Variants in TENT4A observed in about 807,000 individuals in gnomAD.
The protein encoded by TENT4A is DNA polymerase kappa.
TENT4A carries 7 observed loss-of-function variants against 72.8 expected under a neutral mutation model. The observed-to-expected ratio is 0.10, with a 90% CI of 0.05 to 0.18. The LOEUF (loss-of-function observed/expected upper bound fraction) is 0.18, where lower values mean the gene tolerates loss of function less well. Ranked by LOEUF, TENT4A falls within the 10% of genes least tolerant of loss-of-function variation. The probability of loss-of-function intolerance (pLI) is 1.00; values close to 1 mark genes in which losing one functional copy is unlikely to be tolerated. For missense variants in TENT4A, 831 were observed against 1,017.7 expected (o/e 0.82, Z 2.50); for synonymous variants, 456 against 434.3 (o/e 1.05, Z -0.62).
intron 6 of TENT4A, chr5:6,746,005 T>C: frequency 7.2e-7 from 1 of 1,393,780 alleles, no homozygotes. Context: ...CAAACTACAC[T>C]AAAATTCAGA....
intron 1 of TENT4A, among the ~76,000 whole-genome samples, chr5:6,731,702 G>T (rs1741223991): frequency 6.6e-6 from 1 of 152,130 alleles, no homozygotes; most frequent in African/African-American, 2.4e-5. Flanking sequence ...AAAACTCCTG[G>T]CTTGAAACTT....
At chr5:6,736,777 T>C (rs564202518) in intron 1 of TENT4A, among the ~76,000 whole-genome samples, 7 of 152,338 alleles carry the variant, frequency 4.6e-5, no homozygotes, top group Admixed American at 2.6e-4. Flanking sequence ...TTGAAAACAC[T>C]GCTTTAGAGC....
chr5:6,745,266 T>C (rs1742025991), intron 6 of TENT4A, among the ~76,000 whole-genome samples: 1 of 152,210 alleles, frequency 6.6e-6, no homozygotes, highest in Non-Finnish European at 1.5e-5. Context: ...CCGGAATTCT[T>C]CTGAACCCTA....
At chr5:6,720,126 AATTTCTCTG>A (rs1442679360) in intron 1 of TENT4A, among the ~76,000 whole-genome samples, 2 of 152,140 alleles carry the variant, frequency 1.3e-5, no homozygotes, top group African/African-American at 4.8e-5. Flanking sequence ...AGGTACTTTG[AATTTCTCTG>A]ATGTTTTCCG....
chr5:6,751,106 T>A lies in TENT4A; in HGVS notation c.1928T>A (p.Leu643His), dbSNP rs376992245. 6.2e-7 allele frequency: 1 copy of A among 1,614,212 alleles called. No homozygotes were observed. Among genetic ancestry groups the A allele is most frequent in the Non-Finnish European group, 8.5e-7 (1 of 1,180,022 alleles). ...YQFSLQAPAP[L>H]MAGLPTALPM... is the part of the protein sequence containing the mutation. Reference sequence around the variant, plus strand: ...TTCAGTCTGCAAGCGCCAGCTCCTCTCATGGCCGGCTTACCCACCGCCTTG... The same window carrying A: ...TTCAGTCTGCAAGCGCCAGCTCCTCACATGGCCGGCTTACCCACCGCCTTG... Residue 643 changes from leucine (L) to histidine (H), a missense_variant, in exon 11 of 13, where the codon CTC (leucine) becomes CAC (histidine). Physicochemically the swap from Leu to His is moderately conservative, Grantham distance 99 (BLOSUM62 -3). Transcript: ENST00000230859.
intron 1 of TENT4A, 47 bp from the exon 2 acceptor site, chr5:6,737,463 G>A (rs2279656): frequency 0.33 from 500,534 of 1,517,310 alleles, 84,216 homozygotes; most frequent in East Asian, 0.4. Flanking sequence ...AGAAAATGTG[G>A]TGACATTTCA....
intron 1 of TENT4A, among the ~76,000 whole-genome samples, chr5:6,733,633 G>A (rs1282793791): frequency 1.3e-5 from 2 of 152,224 alleles, no homozygotes; most frequent in Non-Finnish European, 2.9e-5. Flanking sequence ...TGGTATGTGA[G>A]AACATAAGAC....
chr5:6,742,466 G>C, intron 4 of TENT4A, 24 bp from the exon 5 acceptor site: 1 of 1,483,868 alleles, frequency 6.7e-7, no homozygotes, highest in Non-Finnish European at 9.4e-7. Context: ...TGTTAAAGCA[G>C]TTTTTAAAAT....
rs1740231083 is a variant in TENT4A at position 6,714,073 on chromosome 5, G to A, written c.90G>A (p.Val30=). 2 of 991,678 alleles carry A rather than the reference G, an allele frequency of 2.0e-6. No individual in the cohort carries two copies. The highest frequency in any genetic ancestry group is 4.5e-5 in the South Asian group (1 of 22,148). The allele number at this position is 991,678 out of a possible 1,614,324, so 61.4% of individuals were successfully genotyped here. A position where few individuals can be genotyped will look rare whatever the true frequency, so the allele number is the denominator to read the frequency against. Residue 30 remains valine, a synonymous_variant, in exon 1 of 13, where the codon GTG becomes GTA. Transcript: ENST00000230859. ...WMQIWETSQG[V]GRGGSGFASY... ...AGATCTGGGAGACCTCGCAGGGCGTGGGCCGCGGCGGCTCGGGCTTCGCGT... is the reference window on the plus strand; with the variant it reads ...AGATCTGGGAGACCTCGCAGGGCGTAGGCCGCGGCGGCTCGGGCTTCGCGT...
chr5:6,736,742 G>A (rs75196407), intron 1 of TENT4A, among the ~76,000 whole-genome samples: 3,123 of 152,322 alleles, frequency 0.021, 37 homozygotes, highest in Non-Finnish European at 0.029. Context: ...GGCGTGAGGC[G>A]TCTTCCAGGC....
intron 11 of TENT4A, among the ~76,000 whole-genome samples, chr5:6,752,096 G>T (rs1316158318): frequency 2.0e-5 from 3 of 152,166 alleles, no homozygotes; most frequent in Non-Finnish European, 4.4e-5. Flanking sequence ...GATAAACTTG[G>T]TCGCCTTTTT....
intron 1 of TENT4A, among the ~76,000 whole-genome samples, chr5:6,732,611 A>G (rs1272856195): frequency 8.1e-4 from 123 of 152,206 alleles, no homozygotes; most frequent in Non-Finnish European, 4.4e-5. Flanking sequence ...AGTGATTGTA[A>G]ACGAGAGTGA....
At chr5:6,753,586 C>G (rs1402890860) in intron 12 of TENT4A, among the ~76,000 whole-genome samples, 1 of 152,240 alleles carries the variant, frequency 6.6e-6, no homozygotes, top group Non-Finnish European at 1.5e-5. Flanking sequence ...CGTTAAGTCT[C>G]TATATTCTTG....
chr5:6,754,702 A>G, intron 12 of TENT4A, 49 bp from the exon 13 acceptor site: 1 of 1,464,086 alleles, frequency 6.8e-7, no homozygotes, highest in Admixed American at 2.0e-5. Flanking sequence ...GGACGTGGGC[A>G]TTGTGCCTGC....
chr5:6,739,310 G>T (rs1741677846), intron 3 of TENT4A, among the ~76,000 whole-genome samples: 1 of 152,194 alleles, frequency 6.6e-6, no homozygotes, highest in Non-Finnish European at 1.5e-5. Flanking sequence ...TTTGGGGGTT[G>T]ACATTAGCAG....
At chr5:6,752,745 C>G in intron 11 of TENT4A, 128 bp from the exon 12 acceptor site, 1 of 694,370 alleles carries the variant, frequency 1.4e-6, no homozygotes, top group Non-Finnish European at 2.5e-6. Flanking sequence ...GTAAAACAGA[C>G]TGCTCTATGG....
At chr5:6,748,074 A>C (rs1298724502) in intron 7 of TENT4A, among the ~76,000 whole-genome samples, 1 of 152,210 alleles carries the variant, frequency 6.6e-6, no homozygotes, top group East Asian at 1.9e-4. Context: ...CAGCGATCAC[A>C]GTGGGTCGGT....
At chr5:6,714,770 A>G (rs1554005828) in intron 1 of TENT4A, 71 bp downstream of exon 1, 1 of 526,122 alleles carries the variant, frequency 1.9e-6, no homozygotes, top group African/African-American at 2.0e-5. Context: ...CGGTGCAGAC[A>G]CCCGTCCCAG....
chr5:6,733,550 C>T (rs757340383), intron 1 of TENT4A, among the ~76,000 whole-genome samples: 5 of 152,234 alleles, frequency 3.3e-5, no homozygotes, highest in Non-Finnish European at 7.3e-5. Context: ...ATATTGATGA[C>T]GGGTCTGTGG....
Sources: gnomAD v4.1 joint callset for allele counts (sites outside exome capture counted in the v4.1 genomes callset) on GRCh38, gnomAD v4.1.1 for gene constraint, MANE v1.5 for transcripts, NCBI Gene and HGNC (gene_info 2026-07-23, HGNC 2026-07-21) for gene names.